Variants in EHMT1 observed in about 807,000 individuals in gnomAD.
The protein encoded by EHMT1 is euchromatic histone lysine methyltransferase 1.
Under a neutral mutation model 147.2 loss-of-function variants are expected in EHMT1, and 15 were observed. The ratio of observed to expected loss-of-function variants is 0.10; its 90% CI spans 0.07 to 0.16. The LOEUF (loss-of-function observed/expected upper bound fraction) is 0.16, where lower values mean the gene tolerates loss of function less well. Among genes scored for constraint, EHMT1 ranks in the 10% least tolerant of loss-of-function variants. EHMT1 has a pLI of 1.00. For missense variants in EHMT1, 1,587 were observed against 1,772.4 expected, an observed-to-expected ratio of 0.90 and a Z score of 1.88; for synonymous variants, 795 against 709.6, an observed-to-expected ratio of 1.12 and a Z score of -1.91.
chr9:137,717,138 G>T lies in EHMT1; in HGVS notation c.598G>T (p.Val200Phe). The change falls in exon 3 of 27, where the codon GTC becomes TTC. Residue 200 changes from valine (V) to phenylalanine (F), a missense_variant. Physicochemically the swap from Val to Phe is conservative, Grantham distance 50. Around this residue, in one of 7 missense-constraint regions of EHMT1, gnomAD observed 810 missense variants for 673.0 expected, o/e 1.20. Transcript: ENST00000460843. ...KLPAPGADVK[V>F]HRARKTMPKS... ...CCCGGCCCCTGGCGCCGACGTCAAG[G>T]TCCACAGGGCACGCAAGACCATGCC... is the stretch of plus-strand genomic sequence containing the variant. The T allele has an allele frequency of 6.2e-7, 1 of 1,612,556 alleles. No homozygotes were observed. The highest frequency in any genetic ancestry group is 8.5e-7 in the Non-Finnish European group (1 of 1,179,964).
At chr9:137,714,162 T>TC (rs1421240300) in intron 2 of EHMT1, among the ~76,000 whole-genome samples, 1 of 152,178 alleles carries the variant, frequency 6.6e-6, no homozygotes, top group Non-Finnish European at 1.5e-5. Context: ...ACTTCGAATC[T>TC]CTAGTACAGG....
chr9:137,788,039 G>A, intron 15 of EHMT1: 1 of 1,372,416 alleles, frequency 7.3e-7, no homozygotes, highest in Admixed American at 2.1e-5. Flanking sequence ...AGAGGGTTGA[G>A]GGCCTGATGG....
intron 1 of EHMT1, among the ~76,000 whole-genome samples, chr9:137,629,407 G>A (rs994461091): frequency 7.2e-5 from 10 of 137,998 alleles, no homozygotes; most frequent in African/African-American, 2.5e-4. Flanking sequence ...TTTTGTTGTT[G>A]TTGTTAAATG....
intron 3 of EHMT1, among the ~76,000 whole-genome samples, chr9:137,723,041 G>T (rs1377086685): frequency 1.6e-5 from 2 of 125,470 alleles, no homozygotes; most frequent in African/African-American, 7.0e-5. Context: ...GGGTGTGTCT[G>T]TGTCTGTGGT....
intron 1 of EHMT1, among the ~76,000 whole-genome samples, chr9:137,672,296 G>A (rs543093580): frequency 6.6e-6 from 1 of 152,130 alleles, no homozygotes; most frequent in Non-Finnish European, 1.5e-5. Context: ...TGTACAGGAG[G>A]TTTTGACAAA....
chr9:137,682,516 C>T (rs1942051506), intron 1 of EHMT1, among the ~76,000 whole-genome samples: 1 of 152,182 alleles, frequency 6.6e-6, no homozygotes, highest in Non-Finnish European at 1.5e-5. Flanking sequence ...TCCCTGGCGG[C>T]CAGAGTTGCA....
chr9:137,796,597 G>A (rs577331847), intron 16 of EHMT1, among the ~76,000 whole-genome samples: 3 of 151,222 alleles, frequency 2.0e-5, no homozygotes, highest in East Asian at 2.0e-4. Context: ...CCAGCTACTC[G>A]GGAGGCTGAG....
chr9:137,657,045 T>G (rs556649234), intron 1 of EHMT1, among the ~76,000 whole-genome samples: 1 of 152,218 alleles, frequency 6.6e-6, no homozygotes, highest in East Asian at 1.9e-4. Flanking sequence ...CTGGCCACCC[T>G]TTTACTTTTG....
At chr9:137,692,749 C>T (rs1444756894) in intron 1 of EHMT1, among the ~76,000 whole-genome samples, 3 of 152,126 alleles carry the variant, frequency 2.0e-5, no homozygotes, top group African/African-American at 7.2e-5. Flanking sequence ...GTGAACAATG[C>T]TCAGGCGCCT....
At chr9:137,728,645 G>C (rs889534604) in intron 4 of EHMT1, 116 bp downstream of exon 4, 1 of 1,422,394 alleles carries the variant, frequency 7.0e-7, no homozygotes, top group East Asian at 2.3e-5. Flanking sequence ...ATGAATGACT[G>C]TTGACGTCAG....
chr9:137,654,580 G>A (rs1938234532), intron 1 of EHMT1, among the ~76,000 whole-genome samples: 1 of 152,028 alleles, frequency 6.6e-6, no homozygotes, highest in South Asian at 2.1e-4. Flanking sequence ...TTTCCAGATT[G>A]TTTTGGCTAT....
chr9:137,702,551 C>T (rs767658698), intron 1 of EHMT1, among the ~76,000 whole-genome samples: 2 of 152,216 alleles, frequency 1.3e-5, no homozygotes, highest in Non-Finnish European at 2.9e-5. Context: ...TTGGGCAGCT[C>T]TGCCTCTGTG....
intron 18 of EHMT1, chr9:137,802,461 T>C (rs986224154): frequency 5.0e-6 from 2 of 398,448 alleles, no homozygotes; most frequent in Non-Finnish European, 8.8e-6. Flanking sequence ...ACCCACTAAA[T>C]TGATAATAAG....
intron 6 of EHMT1, chr9:137,747,177 G>A (rs9410046): frequency 0.49 from 73,765 of 151,218 alleles, 21,197 homozygotes; most frequent in African/African-American, 0.8. Flanking sequence ...TTTTTTTTTG[G>A]GACTGAGTCT....
intron 1 of EHMT1, among the ~76,000 whole-genome samples, chr9:137,635,571 A>T (rs1170252944): frequency 6.6e-6 from 1 of 150,420 alleles, no homozygotes. Flanking sequence ...CTGTAATCCC[A>T]GCACTTTGGG....
intron 9 of EHMT1, among the ~76,000 whole-genome samples, chr9:137,759,005 T>G (rs1413413751): frequency 6.6e-6 from 1 of 151,772 alleles, no homozygotes; most frequent in African/African-American, 2.4e-5. Context: ...CGGGCGCCTA[T>G]AGTCCCAGCT....
At chr9:137,817,190 C>T (rs1436952517) in intron 23 of EHMT1, 26 of 572,806 alleles carry the variant, frequency 4.5e-5, no homozygotes, top group Admixed American at 1.9e-4. Context: ...ATGGGGACAC[C>T]GAGCCACGGC....
At chr9:137,755,393 C>T (rs1189770783) in intron 8 of EHMT1, among the ~76,000 whole-genome samples, 3 of 152,300 alleles carry the variant, frequency 2.0e-5, no homozygotes, top group South Asian at 2.1e-4. Flanking sequence ...GCCAGGCTGT[C>T]GAATGGCCAG....
At chr9:137,674,086 G>GGGC (rs1235840061) in intron 1 of EHMT1, among the ~76,000 whole-genome samples, 1 of 152,194 alleles carries the variant, frequency 6.6e-6, no homozygotes, top group Non-Finnish European at 1.5e-5. Context: ...AGAGGCAGTG[G>GGGC]GGCGATCCAG....
Sources: gnomAD v4.1 joint callset for allele counts (sites outside exome capture counted in the v4.1 genomes callset) on GRCh38, gnomAD v4.1.1 for gene constraint, gnomAD v4.1.1 regional missense constraint, MANE v1.5 for transcripts, NCBI Gene and HGNC (gene_info 2026-07-23, HGNC 2026-07-21) for gene names.